Variants in DIP2C observed in about 807,000 individuals in gnomAD.
The protein encoded by DIP2C is disco-interacting protein 2 homolog C.
In DIP2C, 33 loss-of-function variants were observed where a neutral mutation model predicts 192.4. That is an observed-to-expected ratio of 0.17 (90% CI 0.13 to 0.23). The LOEUF (loss-of-function observed/expected upper bound fraction) is 0.23. DIP2C is among the 10% of genes least tolerant of loss of function. DIP2C has a pLI of 1.00. For missense variants in DIP2C, 1,537 were observed against 2,110.1 expected, an observed-to-expected ratio of 0.73 and a Z score of 5.32; for synonymous variants, 979 against 864.1, an observed-to-expected ratio of 1.13 and a Z score of -2.33.
intron 34 of DIP2C, among the ~76,000 whole-genome samples, chr10:285,153 CAAAAAAAA>C (rs34031685): frequency 8.0e-6 from 1 of 124,568 alleles, no homozygotes; most frequent in Non-Finnish European, 1.6e-5. Context: ...AGTGAGGGGC[CAAAAAAAA>C]AAAAAAAAAA....
At chr10:342,616 C>G (rs11814991) in intron 28 of DIP2C, among the ~76,000 whole-genome samples, 25,819 of 152,128 alleles carry the variant, frequency 0.17, 2,862 homozygotes, top group African/African-American at 0.31. Context: ...CTGGGTGGCT[C>G]AGCTGTCTTA....
chr10:437,843 T>A (rs4279935), intron 4 of DIP2C: 1 of 152,222 alleles, frequency 6.6e-6, no homozygotes, highest in African/African-American at 2.4e-5. Context: ...AGATAAACTT[T>A]AAGAATATTC....
chr10:505,457 A>G (rs1845531307), intron 1 of DIP2C, among the ~76,000 whole-genome samples: 1 of 152,160 alleles, frequency 6.6e-6, no homozygotes, highest in South Asian at 2.1e-4. Context: ...CCCCTGCCTG[A>G]GGCTCTCGAC....
Position 414,720 on chromosome 10 carries a change from TGTGTGTGTGTGTGTGTGTGTAC to T in DIP2C, c.860-632_860-611del, listed in dbSNP as rs1475937211. 3.7e-3 allele frequency among the ~76,000 whole-genome samples: 275 copies of T among 75,330 alleles called. 3 individuals are homozygous for T. Among genetic ancestry groups the T allele is most frequent in the Middle Eastern group, 0.029 (4 of 138 alleles). The allele number at this position is 75,330 out of a possible 152,430, so 49.4% of individuals were successfully genotyped here. A position where few individuals can be genotyped will look rare whatever the true frequency, so the allele number is the denominator to read the frequency against. On this transcript the variant is annotated intron_variant, in intron 7 of 36. Coordinates refer to ENST00000280886, the MANE Select transcript of DIP2C (RefSeq NM_014974.3). ...GAGTGTGTATGTATGTGTGTGTGTG[TGTGTGTGTGTGTGTGTGTGTAC>T]ATATATATATATATAATGTGTATAT...
At chr10:332,862 C>T (rs1395576228) in intron 29 of DIP2C, among the ~76,000 whole-genome samples, 2 of 152,196 alleles carry the variant, frequency 1.3e-5, no homozygotes, top group Non-Finnish European at 2.9e-5. Context: ...CCATCCAGCC[C>T]AGGGTCTCCC....
At chr10:344,734 C>G in intron 28 of DIP2C, 75 bp downstream of exon 28, 2 of 1,264,668 alleles carry the variant, frequency 1.6e-6, no homozygotes, top group Non-Finnish European at 2.2e-6. Context: ...GCGCTGAGAG[C>G]CAGCACGTGA....
chr10:347,864 C>CCACACTTTCTAGGAGTGGCCACTGT (rs1564594774), intron 26 of DIP2C, among the ~76,000 whole-genome samples: 1 of 109,880 alleles, frequency 9.1e-6, no homozygotes. Flanking sequence ...AGACGCGTCG[C>CCACACTTTCTAGGAGTGGCCACTGT]GCATAGCTCT....
At chr10:326,453 A>G (rs115889712) in intron 31 of DIP2C, among the ~76,000 whole-genome samples, 200 of 152,292 alleles carry the variant, frequency 1.3e-3, no homozygotes, top group African/African-American at 4.4e-3. Flanking sequence ...ACCTGCTGAG[A>G]GGGAAGCCCT....
At chr10:342,322 C>A (rs1284279073) in intron 28 of DIP2C, among the ~76,000 whole-genome samples, 1 of 152,186 alleles carries the variant, frequency 6.6e-6, no homozygotes, top group Admixed American at 6.5e-5. Context: ...CCACGCCCGG[C>A]TAATTTTTTG....
At chr10:638,878 C>A (rs774458675) in intron 1 of DIP2C, among the ~76,000 whole-genome samples, 1 of 152,254 alleles carries the variant, frequency 6.6e-6, no homozygotes, top group Non-Finnish European at 1.5e-5. Flanking sequence ...GCTCTAATTC[C>A]GCCTCCGGGC....
chr10:418,344 T>G (rs917227816), intron 6 of DIP2C, among the ~76,000 whole-genome samples: 1 of 152,024 alleles, frequency 6.6e-6, no homozygotes, highest in Non-Finnish European at 1.5e-5. Context: ...GGGGCTCTGA[T>G]AGGCCTCCCT....
At chr10:597,876 G>A (rs777925489) in intron 1 of DIP2C, among the ~76,000 whole-genome samples, 2 of 152,154 alleles carry the variant, frequency 1.3e-5, no homozygotes, top group South Asian at 2.1e-4. Context: ...ATGGAAATAC[G>A]GGAGAAACCA....
intron 10 of DIP2C, among the ~76,000 whole-genome samples, chr10:392,671 G>C (rs1963565340): frequency 6.6e-6 from 1 of 152,192 alleles, no homozygotes; most frequent in African/African-American, 2.4e-5. Context: ...ACCCATGTGG[G>C]AGGCAGCCCA....
At chr10:623,766 G>C (rs1337096702) in intron 1 of DIP2C, among the ~76,000 whole-genome samples, 1 of 150,042 alleles carries the variant, frequency 6.7e-6, no homozygotes, top group African/African-American at 2.5e-5. Flanking sequence ...GAAGAGGGGA[G>C]GGATGCAGGG....
At chr10:610,147 G>A (rs900467277) in intron 1 of DIP2C, among the ~76,000 whole-genome samples, 1 of 152,190 alleles carries the variant, frequency 6.6e-6, no homozygotes, top group African/African-American at 2.4e-5. Context: ...ACCACACAGA[G>A]GAGAGAGCCC....
At chr10:598,495 C>T (rs1417647686) in intron 1 of DIP2C, among the ~76,000 whole-genome samples, 4 of 152,176 alleles carry the variant, frequency 2.6e-5, no homozygotes, top group African/African-American at 7.2e-5. Flanking sequence ...TCCGAGGCCT[C>T]GCGACAGGGG....
chr10:308,490 ATATAAT>A (rs896210834), intron 32 of DIP2C, among the ~76,000 whole-genome samples: 4 of 149,604 alleles, frequency 2.7e-5, no homozygotes, highest in Non-Finnish European at 4.4e-5. Flanking sequence ...TCAGGAAGTT[ATATAAT>A]TATGAGTTAT....
chr10:373,935 T>A (rs1961275277), intron 17 of DIP2C, among the ~76,000 whole-genome samples: 2 of 152,216 alleles, frequency 1.3e-5, no homozygotes, highest in African/African-American at 4.8e-5. Context: ...GCAGCCTCCA[T>A]ACTCGCAATA....
In DIP2C at chr10:663,374, C is replaced by T. The variant is rs1265121752; in HGVS notation, c.85+26120G>A. Reference sequence around the variant, plus strand: ...CCTGTCCATCCCAGGAGAGAACAGACGGACATGGCTGGAAAGCACTTCCCT... The same window carrying T: ...CCTGTCCATCCCAGGAGAGAACAGATGGACATGGCTGGAAAGCACTTCCCT... On this transcript the variant is annotated intron_variant, in intron 1 of 36. Transcript: ENST00000280886. 3.2e-5 allele frequency: 5 copies of T among 154,966 alleles called. 1 individual carries two copies. Among genetic ancestry groups the T allele is most frequent in the Admixed American group, 1.9e-4 (3 of 15,424 alleles). The allele number at this position is 154,966 out of a possible 1,614,324, so 9.6% of individuals were successfully genotyped here. A position where few individuals can be genotyped will look rare whatever the true frequency, so the allele number is the denominator to read the frequency against.
Sources: gnomAD v4.1 joint callset for allele counts (sites outside exome capture counted in the v4.1 genomes callset) on GRCh38, gnomAD v4.1.1 for gene constraint, MANE v1.5 for transcripts, NCBI Gene and HGNC (gene_info 2026-07-23, HGNC 2026-07-21) for gene names.